The following AK7 variants were observed in gnomAD, a reference collection of about 807,000 sequenced individuals.
AK7 encodes adenylate kinase 7.
A neutral mutation model predicts 96.6 loss-of-function variants in AK7; 78 were observed. The ratio of observed to expected loss-of-function variants is 0.81; its 90% confidence interval spans 0.67 to 0.97. The LOEUF (loss-of-function observed/expected upper bound fraction) is 0.97, where lower values mean the gene tolerates loss of function less well. AK7 is among the 50% of genes least tolerant of loss of function. The pLI, the probability that AK7 is intolerant of heterozygous loss-of-function variation, is 0.00. For missense variants in AK7, 855 were observed against 887.9 expected, an observed-to-expected ratio of 0.96 and a Z score of 0.47; for synonymous variants, 302 against 317.2, an observed-to-expected ratio of 0.95 and a Z score of 0.51.
intron 2 of AK7, among the ~76,000 whole-genome samples, chr14:96,400,030 C>CTTTTTTTTTTTTTT (rs34001068): frequency 1.2e-5 from 1 of 86,346 alleles, no homozygotes; most frequent in East Asian, 3.3e-4. Flanking sequence ...CAAAAACAAT[C>CTTTTTTTTTTTTTT]TTTTTTTTTT....
At chr14:96,465,277 T>C (rs1894496031) in intron 12 of AK7, among the ~76,000 whole-genome samples, 1 of 152,054 alleles carries the variant, frequency 6.6e-6, no homozygotes, top group African/African-American at 2.4e-5. Flanking sequence ...CTAGCTAACA[T>C]GGTGAAACCC....
At chr14:96,405,196 A>G (rs1213355992) in intron 3 of AK7, 2 of 154,912 alleles carry the variant, frequency 1.3e-5, no homozygotes, top group African/African-American at 4.8e-5. Context: ...ATAATAAAAT[A>G]AAATAAATAT....
chr14:96,449,950 A>G (rs1353493603), intron 9 of AK7, 71 bp downstream of exon 9: 15 of 1,226,414 alleles, frequency 1.2e-5, no homozygotes, highest in Non-Finnish European at 1.6e-5. Context: ...TATTTTTTTA[A>G]TATCAGATAG....
chr14:96,415,533 A>T (rs998060478), intron 4 of AK7, among the ~76,000 whole-genome samples: 2 of 151,846 alleles, frequency 1.3e-5, no homozygotes. Flanking sequence ...AAAACAGCAG[A>T]GGCAGGCCAG....
intron 17 of AK7, among the ~76,000 whole-genome samples, chr14:96,487,679 G>C (rs937406476): frequency 1.3e-5 from 2 of 151,508 alleles, no homozygotes; most frequent in African/African-American, 4.8e-5. Flanking sequence ...TGCCTGCCTC[G>C]GTCTCCCAAA....
At chr14:96,463,251 G>A (rs1894359117) in intron 12 of AK7, among the ~76,000 whole-genome samples, 1 of 152,144 alleles carries the variant, frequency 6.6e-6, no homozygotes, top group African/African-American at 2.4e-5. Context: ...CTTTTCTGCT[G>A]TTGAGACTCG....
chr14:96,475,202 T>G (rs1315388462), intron 14 of AK7, among the ~76,000 whole-genome samples: 1 of 152,240 alleles, frequency 6.6e-6, no homozygotes, highest in Non-Finnish European at 1.5e-5. Flanking sequence ...TATTTTCTAT[T>G]TCTCTGAAAG....
rs574472152 is a variant in AK7, at chr14:96,478,330, A to C, written c.1556-135A>C. 120 of 818,426 alleles carry C rather than the reference A, an allele frequency of 1.5e-4. No homozygotes were observed. The African/African-American group carries it at 1.6e-3, about 11-fold the overall frequency. The allele number at this position is 818,426 out of a possible 1,614,324, so 50.7% of individuals were successfully genotyped here. On this transcript the variant is annotated intron_variant, in intron 14 of 17. Transcript: ENST00000267584. The stretch of plus-strand genomic sequence containing the variant: ...CATCTATTTATCCTCCATGAGAGGC[A>C]GCAAAGCCAATTGGACAGGCTATTT...
At chr14:96,470,586 G>A (rs1429945092) in intron 12 of AK7, among the ~76,000 whole-genome samples, 2 of 152,208 alleles carry the variant, frequency 1.3e-5, no homozygotes, top group Non-Finnish European at 2.9e-5. Flanking sequence ...CAGTGTCAGG[G>A]CTTGAGAGGG....
intron 12 of AK7, among the ~76,000 whole-genome samples, chr14:96,459,528 G>A (rs1894138739): frequency 6.6e-6 from 1 of 151,932 alleles, no homozygotes; most frequent in Admixed American, 6.6e-5. Context: ...AAAATGTTCA[G>A]GCAAATTGAT....
rs34594630 is a variant in AK7 at position 96,454,663 on chromosome 14, ATT to A, written c.1099-1670_1099-1669del. On this transcript the variant is annotated intron_variant, in intron 10 of 17. Coordinates refer to ENST00000267584, the MANE Select transcript of AK7 (RefSeq NM_152327.5). Reference sequence around the variant, plus strand: ...TATGCCCAGCCAATATTTAAAAAAAATTTTTTTTTTTTTTTGTAGAGACAGGG... The same window carrying A: ...TATGCCCAGCCAATATTTAAAAAAAATTTTTTTTTTTTTGTAGAGACAGGG... Among the ~76,000 whole-genome samples, 821 of 144,568 alleles carry A rather than the reference ATT, an allele frequency of 5.7e-3. 18 individuals carry two copies. The highest frequency in any genetic ancestry group is 0.02 in the African/African-American group (764 of 39,050). 94.8% of individuals were successfully genotyped at this position (144,568 alleles called of 152,430 possible). A position where few individuals can be genotyped will look rare whatever the true frequency, so the allele number is the denominator to read the frequency against.
Position 96,456,654 on chromosome 14 carries a change from C to G in AK7, c.1227+179C>G, listed in dbSNP as rs542326907. The G allele has an allele frequency of 1.7e-3, 1,021 of 609,418 alleles. 3 individuals are homozygous for G. Among genetic ancestry groups the G allele is most frequent in the Non-Finnish European group, 2.6e-3 (945 of 367,338 alleles). 37.8% of individuals were successfully genotyped at this position (609,418 alleles called of 1,614,324 possible). ...GGGGAACATCTGGCTTCTCTTCCCC[C>G]TCAGGCCTGAGAAGAGTGTTGACCT... On this transcript the variant is annotated intron_variant, in intron 11 of 17. Coordinates refer to ENST00000267584, the MANE Select transcript of AK7 (RefSeq NM_152327.5).
chr14:96,395,861 G>T (rs1199306741), intron 1 of AK7, among the ~76,000 whole-genome samples: 2 of 126,244 alleles, frequency 1.6e-5, no homozygotes, highest in African/African-American at 6.2e-5. Context: ...TGCCAGGCTG[G>T]AGTACAGTAG....
chr14:96,392,580 A>C (rs563231347), intron 1 of AK7, among the ~76,000 whole-genome samples: 108 of 152,374 alleles, frequency 7.1e-4, no homozygotes, highest in African/African-American at 2.5e-3. Context: ...GAACCTGGAC[A>C]GAGACTCCAG....
Position 96,404,785 on chromosome 14 carries a change from G to T in AK7, c.323G>T (p.Arg108Leu), listed in dbSNP as rs373883064. ...SAISREDLLM[R>L]LLECDVIIYN... ...ATCTCTCGAGAAGACCTTCTCATGC[G>T]CCTGCTGGAGTGTGATGTTATTATT... The change falls in exon 3 of 18, where the codon CGC becomes CTC. Residue 108 changes from arginine (R) to leucine (L), a missense_variant. Transcript: ENST00000267584. 3.7e-6 allele frequency: 6 copies of T among 1,608,128 alleles called. No homozygotes were observed. The highest frequency in any genetic ancestry group is 5.1e-6 in the Non-Finnish European group (6 of 1,175,458).
intron 4 of AK7, among the ~76,000 whole-genome samples, chr14:96,415,996 G>A (rs1259094906): frequency 1.3e-5 from 2 of 151,996 alleles, no homozygotes; most frequent in Non-Finnish European, 2.9e-5. Flanking sequence ...CCAGAACAAG[G>A]GCCGACGGGC....
At position 96,471,607 on chromosome 14, in the gene AK7, G is replaced by T; in HGVS notation, c.1486+1G>T. 1 of 1,541,202 alleles carries T rather than the reference G, an allele frequency of 6.5e-7. No individual in the cohort carries two copies. Among genetic ancestry groups the T allele is most frequent in the Non-Finnish European group, 8.7e-7 (1 of 1,147,726 alleles). ...GATCAAGCAAAAGACCTGTTCAATC[G>T]TAAGTTTGAGTGTTCTATTTTGAGT... is the stretch of plus-strand genomic sequence containing the variant. On this transcript the variant is annotated splice_donor_variant, in intron 13 of 17. Transcript: ENST00000267584. LOFTEE classifies it high-confidence loss of function.
At chr14:96,480,050 C>T (rs1020516840) in intron 15 of AK7, among the ~76,000 whole-genome samples, 12 of 152,244 alleles carry the variant, frequency 7.9e-5, no homozygotes, top group East Asian at 1.9e-4. Context: ...ATGAGAGATA[C>T]GAAGTGCCTG....
intron 5 of AK7, chr14:96,424,260 C>A (rs1891893177): frequency 4.7e-6 from 2 of 425,534 alleles, no homozygotes; most frequent in Non-Finnish European, 8.5e-6. Flanking sequence ...CCGCGGGAGG[C>A]CAGGCGCCGG....
Sources: gnomAD v4.1 joint callset for allele counts (sites outside exome capture counted in the v4.1 genomes callset) on GRCh38, gnomAD v4.1.1 for gene constraint, MANE v1.5 for transcripts, NCBI Gene and HGNC (gene_info 2026-07-23, HGNC 2026-07-21) for gene names.